SETBP1: variants seen among roughly 807,000 people sequenced by gnomAD.
SETBP1 encodes SET-binding protein.
A neutral mutation model predicts 101.0 loss-of-function variants in SETBP1; 9 were observed. The observed-to-expected ratio is 0.09, with a 90% CI of 0.05 to 0.16. The LOEUF is 0.16. Among genes scored for constraint, SETBP1 ranks in the 10% least tolerant of loss-of-function variants. SETBP1 has a pLI of 1.00. For missense variants in SETBP1, 1,858 were observed against 2,033.8 expected, an observed-to-expected ratio of 0.91 and a Z score of 1.66; for synonymous variants, 818 against 788.5, an observed-to-expected ratio of 1.04 and a Z score of -0.63.
chr18:44,756,419 A>G (rs1274307089), intron 2 of SETBP1, among the ~76,000 whole-genome samples: 1 of 152,066 alleles, frequency 6.6e-6, no homozygotes, highest in East Asian at 1.9e-4. Context: ...ACACTGAACT[A>G]GTTGGTTTCT....
intron 3 of SETBP1, among the ~76,000 whole-genome samples, chr18:44,885,280 T>C (rs979115839): frequency 2.6e-5 from 4 of 152,190 alleles, no homozygotes; most frequent in Admixed American, 6.5e-5. Context: ...TGAAAGAATC[T>C]GTATCAAATA....
intron 2 of SETBP1, among the ~76,000 whole-genome samples, chr18:44,785,148 A>G (rs2071213342): frequency 6.6e-6 from 1 of 152,234 alleles, no homozygotes; most frequent in Non-Finnish European, 1.5e-5. Context: ...TAACAAATAA[A>G]TACACATCAT....
At chr18:45,030,608 C>T in intron 4 of SETBP1, among the ~76,000 whole-genome samples, 1 of 150,356 alleles carries the variant, frequency 6.7e-6, no homozygotes, top group Non-Finnish European at 1.5e-5. Flanking sequence ...CCTTGTACCT[C>T]CGGTGGAATT....
At chr18:45,019,649 G>T (rs1421682240) in intron 4 of SETBP1, among the ~76,000 whole-genome samples, 1 of 151,994 alleles carries the variant, frequency 6.6e-6, no homozygotes, top group African/African-American at 2.4e-5. Context: ...TTCCATAGTT[G>T]TGGCCTAATT....
At chr18:44,771,566 G>A (rs1471531299) in intron 2 of SETBP1, among the ~76,000 whole-genome samples, 1 of 152,140 alleles carries the variant, frequency 6.6e-6, no homozygotes, top group Non-Finnish European at 1.5e-5. Context: ...AAGTCCCTAA[G>A]ACAGAGTTGG....
intron 3 of SETBP1, among the ~76,000 whole-genome samples, chr18:44,948,161 A>G (rs540319271): frequency 7.9e-5 from 12 of 152,346 alleles, no homozygotes; most frequent in African/African-American, 2.2e-4. Context: ...TGTTTCTACT[A>G]TAAGTTGCAA....
intron 2 of SETBP1, among the ~76,000 whole-genome samples, chr18:44,796,974 G>A (rs1321702568): frequency 6.6e-6 from 1 of 152,104 alleles, no homozygotes; most frequent in Non-Finnish European, 1.5e-5. Flanking sequence ...CCTGAAGGGG[G>A]GTAAATGAGG....
intron 4 of SETBP1, among the ~76,000 whole-genome samples, chr18:44,977,106 T>C (rs957285205): frequency 1.3e-5 from 2 of 152,206 alleles, no homozygotes; most frequent in African/African-American, 4.8e-5. Flanking sequence ...AGCCCTGAAA[T>C]GGTCCTTAAC....
rs934472817 is a variant in SETBP1, at chr18:45,008,748, G to C, written c.4001-29737G>C. On this transcript the variant is annotated intron_variant, in intron 4 of 5. Coordinates refer to ENST00000649279, the MANE Select transcript of SETBP1 (RefSeq NM_015559.3). ...TCTAGGTAAAGGCAAGGCTGTGACT[G>C]CCCTATAAGCTAATAAGAGCAGACC... Among the ~76,000 whole-genome samples, 8 of 152,304 alleles carry C rather than the reference G, an allele frequency of 5.3e-5. No homozygotes were observed. In the East Asian group the frequency reaches 1.5e-3, roughly 29 times the overall value.
chr18:45,020,297 T>G (rs1415928811), intron 4 of SETBP1, among the ~76,000 whole-genome samples: 23 of 85,622 alleles, frequency 2.7e-4, no homozygotes, highest in East Asian at 1.9e-3. Context: ...AAAAAAAAAG[T>G]GGCTTCTCCT....
intron 4 of SETBP1, among the ~76,000 whole-genome samples, chr18:44,978,587 A>G (rs947993967): frequency 2.0e-5 from 3 of 152,218 alleles, no homozygotes; most frequent in African/African-American, 4.8e-5. Context: ...GCTCCATTTA[A>G]CAGATTTAAC....
chr18:45,003,563 G>C (rs947939557), intron 4 of SETBP1, among the ~76,000 whole-genome samples: 1 of 151,938 alleles, frequency 6.6e-6, no homozygotes, highest in African/African-American at 2.4e-5. Flanking sequence ...ACTTCCCACT[G>C]TAAACATGTG....
At chr18:44,995,026 C>G (rs747282915) in intron 4 of SETBP1, among the ~76,000 whole-genome samples, 4 of 151,846 alleles carry the variant, frequency 2.6e-5, no homozygotes, top group Non-Finnish European at 5.9e-5. Flanking sequence ...TAAGTTTACC[C>G]AAAGGCACCT....
At chr18:45,008,264 T>C (rs2072770207) in intron 4 of SETBP1, among the ~76,000 whole-genome samples, 1 of 152,168 alleles carries the variant, frequency 6.6e-6, no homozygotes, top group African/African-American at 2.4e-5. Flanking sequence ...AAGTATAAAG[T>C]CTCAGTGATA....
Position 44,779,829 on chromosome 18 carries a change from CT to C in SETBP1, c.486+77998del, listed in dbSNP as rs200136149. ...CAACCTCAGAAGTCACATTTCCCTC[CT>C]GCCTGCTGCCTTCTGTTCCTCTGCG... On this transcript the variant is annotated intron_variant, in intron 2 of 5. Coordinates refer to ENST00000649279, the MANE Select transcript of SETBP1 (RefSeq NM_015559.3). Among the ~76,000 whole-genome samples the C allele has an allele frequency of 1.0e-3, 153 of 152,230 alleles. 2 individuals are homozygous for C. The East Asian group carries it at 0.029, about 29-fold the overall frequency.
At chr18:44,885,846 AAAAAAAAAAAC>A (rs202143194) in intron 3 of SETBP1, among the ~76,000 whole-genome samples, 51,097 of 117,892 alleles carry the variant, frequency 0.43, 12,307 homozygotes, top group Non-Finnish European at 0.46. Context: ...TTTCATTAAA[AAAAAAAAAAAC>A]AAAAAAAAAA....
intron 2 of SETBP1, among the ~76,000 whole-genome samples, chr18:44,855,583 A>T (rs2072958887): frequency 6.6e-6 from 1 of 152,242 alleles, no homozygotes; most frequent in Admixed American, 6.5e-5. Flanking sequence ...AGGTGGCAAG[A>T]GCCAGATGGG....
At chr18:44,937,594 C>T (rs1283714801) in intron 3 of SETBP1, among the ~76,000 whole-genome samples, 1 of 152,164 alleles carries the variant, frequency 6.6e-6, no homozygotes, top group Non-Finnish European at 1.5e-5. Flanking sequence ...CCTGAGCCTC[C>T]CCACCACACT....
rs956734522 is a variant in SETBP1, at chr18:44,894,601, T to C, written c.540+25318T>C. On this transcript the variant is annotated intron_variant, in intron 3 of 5. Coordinates refer to ENST00000649279, the MANE Select transcript of SETBP1 (RefSeq NM_015559.3). ...CCCATTCATTATGTCCACAATGATA[T>C]GTATCTGAATATGATATGTTGTAGA... Among the ~76,000 whole-genome samples the C allele has an allele frequency of 3.9e-5, 6 of 152,086 alleles. No individual in the cohort carries two copies. The East Asian group carries it at 9.7e-4, about 24-fold the overall frequency.
Sources: gnomAD v4.1 joint callset for allele counts (sites outside exome capture counted in the v4.1 genomes callset) on GRCh38, gnomAD v4.1.1 for gene constraint, MANE v1.5 for transcripts, NCBI Gene and HGNC (gene_info 2026-07-23, HGNC 2026-07-21) for gene names.